RABGAP1: variants seen among roughly 807,000 people sequenced by gnomAD.
RABGAP1 encodes the protein rab GTPase-activating protein 1.
A neutral mutation model predicts 137.6 loss-of-function variants in RABGAP1; 23 were observed. That is an observed-to-expected ratio of 0.17 (90% CI 0.12 to 0.24). RABGAP1 has a LOEUF of 0.24. Ranked by LOEUF, RABGAP1 falls within the 10% of genes least tolerant of loss-of-function variation. The pLI, the probability that RABGAP1 is intolerant of heterozygous loss-of-function variation, is 1.00. For synonymous variants in RABGAP1, 451 were observed against 450.7 expected, an observed-to-expected ratio of 1.00 and a Z score of -0.01; for missense variants, 906 against 1,275.8, an observed-to-expected ratio of 0.71 and a Z score of 4.42.
At chr9:122,969,998 T>A (rs2131679968) in intron 2 of RABGAP1, among the ~76,000 whole-genome samples, 1 of 152,150 alleles carries the variant, frequency 6.6e-6, no homozygotes, top group East Asian at 1.9e-4. Flanking sequence ...ACCTCCTGGG[T>A]TCAGATGACT....
chr9:122,970,079 T>TG (rs1160747195), intron 2 of RABGAP1, among the ~76,000 whole-genome samples: 1 of 151,378 alleles, frequency 6.6e-6, no homozygotes, highest in Non-Finnish European at 1.5e-5. Context: ...GGCTAATTTT[T>TG]TTTTTTTTTT....
At chr9:123,087,972 A>G (rs556838900) in intron 19 of RABGAP1, among the ~76,000 whole-genome samples, 2 of 152,324 alleles carry the variant, frequency 1.3e-5, no homozygotes, top group East Asian at 3.9e-4. Flanking sequence ...ACTAACAGGC[A>G]GATTTCCACG....
the RABGAP1 span, among the ~76,000 whole-genome samples, chr9:122,935,568 T>C: frequency 6.6e-6 from 1 of 152,132 alleles, no homozygotes; most frequent in South Asian, 2.1e-4. Flanking sequence ...CTCAAACTTC[T>C]GACCTCAGGT....
At chr9:123,089,907 TGCGCCTGTA>T (rs2034985311) in intron 20 of RABGAP1, 57 bp downstream of exon 20, 1 of 1,433,766 alleles carries the variant, frequency 7.0e-7, no homozygotes, top group East Asian at 2.4e-5. Flanking sequence ...TTCATATGAT[TGCGCCTGTA>T]ACTAGCTTTA....
intron 2 of RABGAP1, among the ~76,000 whole-genome samples, chr9:122,978,071 A>C (rs1294619468): frequency 2.0e-5 from 3 of 152,210 alleles, no homozygotes; most frequent in Non-Finnish European, 4.4e-5. Flanking sequence ...TTAGTTGTAC[A>C]GTCCTGAGTT....
chr9:122,986,224 C>G lies in RABGAP1; in HGVS notation c.395C>G (p.Ala132Gly), dbSNP rs769960438. The change falls in exon 4 of 26, where the codon GCT (alanine) becomes GGT (glycine). Residue 132 changes from alanine (A) to glycine (G), a missense_variant. Physicochemically the swap from Ala to Gly is moderately conservative, Grantham distance 60. Around this residue, in one of 9 missense-constraint regions of RABGAP1, gnomAD observed 331 missense variants for 358.3 expected, o/e 0.92. Coordinates refer to ENST00000373647, the MANE Select transcript of RABGAP1 (RefSeq NM_012197.4). ...TCATTGTTTCTTTCAGATTCTGAAG[C>G]TTCAAGTCCTTTCACACCAGTGGCC... ...PVKPGQGDSE[A>G]SSPFTPVADE... 1 of 1,613,676 alleles carries G rather than the reference C, an allele frequency of 6.2e-7. No individual in the cohort carries two copies. The highest frequency in any genetic ancestry group is 8.5e-7 in the Non-Finnish European group (1 of 1,179,636).
intron 1 of RABGAP1, among the ~76,000 whole-genome samples, chr9:122,956,507 G>C (rs1009329039): frequency 2.7e-4 from 41 of 152,142 alleles, no homozygotes; most frequent in African/African-American, 7.2e-4. Context: ...AAAATTAGCC[G>C]GGCGTGGTGG....
intron 1 of RABGAP1, among the ~76,000 whole-genome samples, chr9:122,943,925 C>T (rs980195992): frequency 3.3e-5 from 5 of 152,084 alleles, no homozygotes; most frequent in East Asian, 1.9e-4. Flanking sequence ...TGCACTCCAG[C>T]CTGGGCGACA....
rs1389319482 is a variant in RABGAP1 at position 123,054,995 on chromosome 9, A to C, written c.1795-10353A>C. 3.3e-5 allele frequency among the ~76,000 whole-genome samples: 5 copies of C among 152,256 alleles called. No homozygotes were observed. In the East Asian group the frequency reaches 7.7e-4, roughly 23 times the overall value. Reference sequence around the variant, plus strand: ...AAGTTTCTTTTCTCCACCATGTCATACTGTACTGTACTCTTCTGAAGGAAG... The same window carrying C: ...AAGTTTCTTTTCTCCACCATGTCATCCTGTACTGTACTCTTCTGAAGGAAG... On this transcript the variant is annotated intron_variant, in intron 13 of 25. Coordinates refer to ENST00000373647, the MANE Select transcript of RABGAP1 (RefSeq NM_012197.4).
At chr9:122,948,632 C>T (rs918798993) in intron 1 of RABGAP1, among the ~76,000 whole-genome samples, 1 of 152,084 alleles carries the variant, frequency 6.6e-6, no homozygotes, top group Non-Finnish European at 1.5e-5. Flanking sequence ...TAAAGCTGTA[C>T]CCATTTTTTC....
chr9:123,036,033 A>G (rs970009427), intron 13 of RABGAP1, among the ~76,000 whole-genome samples: 2 of 152,202 alleles, frequency 1.3e-5, no homozygotes, highest in African/African-American at 2.4e-5. Context: ...TTTGGGCTTC[A>G]TATGCAATTG....
chr9:122,962,716 C>T (rs1311668702), intron 2 of RABGAP1, among the ~76,000 whole-genome samples: 2 of 151,988 alleles, frequency 1.3e-5, no homozygotes, highest in African/African-American at 2.4e-5. Flanking sequence ...AAAGTTGGCA[C>T]TCCTGAATCC....
At chr9:123,057,802 G>C (rs895700250) in intron 13 of RABGAP1, among the ~76,000 whole-genome samples, 4 of 152,236 alleles carry the variant, frequency 2.6e-5, no homozygotes, top group Non-Finnish European at 4.4e-5. Context: ...TGCAATCCCA[G>C]CACCTCGGGA....
At chr9:122,969,897 G>T (rs1224202756) in intron 2 of RABGAP1, among the ~76,000 whole-genome samples, 7 of 151,828 alleles carry the variant, frequency 4.6e-5, no homozygotes, top group African/African-American at 1.7e-4. Context: ...CAAGGCTCTC[G>T]AGTTTTGTTT....
chr9:123,051,216 G>GTTTTTTTTTT (rs552457119), intron 13 of RABGAP1, among the ~76,000 whole-genome samples: 8 of 34,280 alleles, frequency 2.3e-4, no homozygotes, highest in Non-Finnish European at 3.4e-4. Flanking sequence ...ATTCACCTTG[G>GTTTTTTTTTT]TTTTTTTTTT....
At chr9:122,935,727 A>G in the RABGAP1 span, among the ~76,000 whole-genome samples, 3 of 152,230 alleles carry the variant, frequency 2.0e-5, no homozygotes, top group Admixed American at 2.0e-4. Flanking sequence ...AATTGCTTTT[A>G]TAGTTGCCAG....
At chr9:123,076,536 G>A (rs2034516101) in intron 18 of RABGAP1, 98 bp from the exon 19 acceptor site, 2 of 1,356,860 alleles carry the variant, frequency 1.5e-6, no homozygotes, top group South Asian at 1.5e-5. Flanking sequence ...ATCTTCTGGG[G>A]ATTGTAAAAG....
Position 123,070,237 on chromosome 9 carries a change from G to A in RABGAP1, c.1909-113G>A. 1.3e-6 allele frequency: 2 copies of A among 1,522,196 alleles called. No homozygotes were observed. The highest frequency in any genetic ancestry group is 2.6e-5 in the South Asian group (2 of 75,924). The allele number at this position is 1,522,196 out of a possible 1,614,324, so 94.3% of individuals were successfully genotyped here. On this transcript the variant is annotated intron_variant, in intron 14 of 25. Transcript: ENST00000373647. The surrounding 1 kb of genome is among the most constrained non-coding windows in gnomAD (Gnocchi z 4.4). ...ACCACTTACTGTCTGTCAAAATGCT[G>A]TCCCAGTGTGGGTAGCATCCTCCAG...
chr9:122,989,214 G>A, intron 4 of RABGAP1, 83 bp from the exon 5 acceptor site: 2 of 1,243,676 alleles, frequency 1.6e-6, no homozygotes, highest in Non-Finnish European at 2.3e-6. Flanking sequence ...TTACTAGAAA[G>A]AATGAGTCTC....
Sources: gnomAD v4.1 joint callset for allele counts (sites outside exome capture counted in the v4.1 genomes callset) on GRCh38, gnomAD v4.1.1 for gene constraint, gnomAD v4.1.1 regional missense constraint, Gnocchi (gnomAD v3.1) non-coding constraint, MANE v1.5 for transcripts, NCBI Gene and HGNC (gene_info 2026-07-23, HGNC 2026-07-21) for gene names.